The following NRXN3 variants were observed in gnomAD, a reference collection of about 807,000 sequenced individuals.
NRXN3 encodes neurexin III.
Under a neutral mutation model 137.6 loss-of-function variants are expected in NRXN3, and 32 were observed. The observed-to-expected ratio is 0.23, with a 90% CI of 0.18 to 0.31. The LOEUF (loss-of-function observed/expected upper bound fraction) is 0.31, where lower values mean the gene tolerates loss of function less well. NRXN3 is among the 10% of genes least tolerant of loss of function. NRXN3 has a pLI of 1.00. For missense variants in NRXN3, 1,574 were observed against 2,062.5 expected, an observed-to-expected ratio of 0.76 and a Z score of 4.59; for synonymous variants, 798 against 784.5, an observed-to-expected ratio of 1.02 and a Z score of -0.29.
chr14:79,197,495 T>A (rs943954393), intron 15 of NRXN3, among the ~76,000 whole-genome samples: 2 of 152,140 alleles, frequency 1.3e-5, no homozygotes, highest in Non-Finnish European at 2.9e-5. Context: ...AGGAAGACTT[T>A]TGCGTGGCTT....
chr14:78,867,993 A>G (rs57217615), intron 10 of NRXN3, among the ~76,000 whole-genome samples: 8,059 of 148,246 alleles, frequency 0.054, 382 homozygotes, highest in East Asian at 0.26. Context: ...AAATGATTGT[A>G]ATTTTAAATC....
intron 17 of NRXN3, among the ~76,000 whole-genome samples, chr14:79,682,795 G>A (rs954749820): frequency 2.6e-5 from 4 of 152,016 alleles, no homozygotes; most frequent in Non-Finnish European, 2.9e-5. Flanking sequence ...ATAAATCCCA[G>A]CAAACTCTAC....
At chr14:78,271,069 C>T (rs991840781) in intron 2 of NRXN3, among the ~76,000 whole-genome samples, 1 of 152,208 alleles carries the variant, frequency 6.6e-6, no homozygotes, top group Non-Finnish European at 1.5e-5. Context: ...CCTCCTCCTA[C>T]ACTTTACAAT....
chr14:78,757,176 G>C (rs904998822), intron 8 of NRXN3, among the ~76,000 whole-genome samples: 6 of 152,066 alleles, frequency 3.9e-5, no homozygotes, highest in African/African-American at 9.7e-5. Flanking sequence ...GGGAGGCCGA[G>C]GGGGGCAGAC....
At chr14:79,824,685 G>A (rs2099287242) in intron 20 of NRXN3, among the ~76,000 whole-genome samples, 1 of 152,264 alleles carries the variant, frequency 6.6e-6, no homozygotes, top group South Asian at 2.1e-4. Context: ...CATTAGTAGT[G>A]ATTTCCTCAC....
intron 1 of NRXN3, among the ~76,000 whole-genome samples, chr14:78,172,245 A>C (rs2058791978): frequency 6.6e-6 from 1 of 152,056 alleles, no homozygotes; most frequent in South Asian, 2.1e-4. Flanking sequence ...GGTACCCAGG[A>C]TAGTCTATCT....
In NRXN3 at chr14:79,590,968, A is replaced by G. The variant is rs565985423; in HGVS notation, c.3445-72810A>G. On this transcript the variant is annotated intron_variant, in intron 16 of 20. Coordinates refer to ENST00000335750, the MANE Select transcript of NRXN3 (RefSeq NM_001330195.2). ...GTCTCTCAGAACCTTAGCTCCAACAAAACCCCCTTCTTTTTCTCTCATTAT... is the reference window on the plus strand; with the variant it reads ...GTCTCTCAGAACCTTAGCTCCAACAGAACCCCCTTCTTTTTCTCTCATTAT... Among the ~76,000 whole-genome samples the G allele has an allele frequency of 2.0e-5, 3 of 152,204 alleles. No homozygotes were observed. In the East Asian group the frequency reaches 5.8e-4, roughly 29 times the overall value.
At chr14:79,212,118 TA>T (rs1157326431) in intron 15 of NRXN3, among the ~76,000 whole-genome samples, 1 of 152,208 alleles carries the variant, frequency 6.6e-6, no homozygotes, top group Non-Finnish European at 1.5e-5. Flanking sequence ...ATTTGTCTGC[TA>T]CCATTTGGAT....
chr14:79,075,057 T>C (rs1406110032), intron 15 of NRXN3, among the ~76,000 whole-genome samples: 2 of 152,220 alleles, frequency 1.3e-5, no homozygotes, highest in African/African-American at 4.8e-5. Context: ...ATTTTAATTT[T>C]ATAAGCTATT....
intron 15 of NRXN3, among the ~76,000 whole-genome samples, chr14:79,323,909 C>T (rs546573918): frequency 8.9e-4 from 136 of 152,332 alleles, no homozygotes; most frequent in Middle Eastern, 3.4e-3. Context: ...CTCCACTTCA[C>T]TTGCAAGTAC....
chr14:78,645,960 T>C (rs535980431), intron 5 of NRXN3, among the ~76,000 whole-genome samples: 14 of 152,300 alleles, frequency 9.2e-5, no homozygotes, highest in African/African-American at 3.4e-4. Context: ...CCTCTAGCTT[T>C]GGAATTAATT....
chr14:78,918,306 A>AAAG, intron 10 of NRXN3, among the ~76,000 whole-genome samples: 1 of 138,766 alleles, frequency 7.2e-6, no homozygotes, highest in Non-Finnish European at 1.5e-5. Flanking sequence ...AAAAAAAAAA[A>AAAG]AGAGAGAGAG....
intron 16 of NRXN3, among the ~76,000 whole-genome samples, chr14:79,603,509 G>C (rs4099444): frequency 1.3e-5 from 2 of 152,116 alleles, no homozygotes; most frequent in Admixed American, 6.5e-5. Context: ...TTTATCCTAG[G>C]AAGCAAAATA....
rs1229302590 is a variant in NRXN3, at chr14:78,968,354, C to A, written c.3142+8C>A. The A allele has an allele frequency of 3.7e-6, 6 of 1,611,064 alleles. No homozygotes were observed. Among genetic ancestry groups the A allele is most frequent in the South Asian group, 3.3e-5 (3 of 90,854 alleles). On this transcript the variant is annotated splice_region_variant and intron_variant, in intron 14 of 20. Coordinates refer to ENST00000335750, the MANE Select transcript of NRXN3 (RefSeq NM_001330195.2). ...TCGAGCGTGGCTGTGAAGGTACAAC[C>A]TATTTTTTTCTTGTTAAGCTACAGC... is the stretch of plus-strand genomic sequence containing the variant.
At chr14:79,853,970 G>A (rs1292156762) in intron 20 of NRXN3, 30 of 987,490 alleles carry the variant, frequency 3.0e-5, no homozygotes, top group Non-Finnish European at 3.4e-5. Context: ...TTGTTAAAGT[G>A]CAGATTTTTT....
intron 15 of NRXN3, among the ~76,000 whole-genome samples, chr14:79,366,459 T>C (rs545501141): frequency 7.9e-5 from 12 of 152,310 alleles, no homozygotes; most frequent in African/African-American, 2.9e-4. Flanking sequence ...CTTTCCCTTC[T>C]CTCCCCAATA....
chr14:79,845,883 A>ACGGAGAGAGG lies in NRXN3; in HGVS notation c.4094-15459_4094-15458insCGGAGAGAGG, dbSNP rs1183521209. Among the ~76,000 whole-genome samples, 3 of 139,472 alleles carry ACGGAGAGAGG rather than the reference A, an allele frequency of 2.2e-5. 1 individual carries two copies. Among genetic ancestry groups the ACGGAGAGAGG allele is most frequent in the Non-Finnish European group, 4.8e-5 (3 of 62,292 alleles). The allele number at this position is 139,472 out of a possible 152,430, so 91.5% of individuals were successfully genotyped here. ...GGGAGAGAGAGAGATGGAGAGAGAGAGAGATGGAGAGAAAGACAGAGAGAG... is the reference window on the plus strand; with the variant it reads ...GGGAGAGAGAGAGATGGAGAGAGAGACGGAGAGAGGGAGATGGAGAGAAAGACAGAGAGAG... On this transcript the variant is annotated intron_variant, in intron 20 of 20. Coordinates refer to ENST00000335750, the MANE Select transcript of NRXN3 (RefSeq NM_001330195.2).
At chr14:79,374,323 G>C (rs1209312617) in intron 15 of NRXN3, among the ~76,000 whole-genome samples, 1 of 152,018 alleles carries the variant, frequency 6.6e-6, no homozygotes, top group African/African-American at 2.4e-5. Context: ...TGATGGAAGC[G>C]AGGTCAGAAA....
intron 15 of NRXN3, among the ~76,000 whole-genome samples, chr14:79,357,215 G>T (rs930728917): frequency 1.3e-5 from 2 of 152,144 alleles, no homozygotes; most frequent in Non-Finnish European, 2.9e-5. Context: ...AGAAAACCAT[G>T]TGATCTATGC....
Sources: allele counts gnomAD v4.1 joint callset (sites outside exome capture counted in the v4.1 genomes callset), GRCh38; gene constraint gnomAD v4.1.1; transcripts MANE v1.5; gene names NCBI Gene and HGNC (gene_info 2026-07-23, HGNC 2026-07-21).